Variants in NRG3 observed in about 807,000 individuals in gnomAD.
NRG3 encodes pro-neuregulin-3, membrane-bound isoform.
Under a neutral mutation model 66.9 loss-of-function variants are expected in NRG3, and 31 were observed. The ratio of observed to expected loss-of-function variants is 0.46; its 90% CI spans 0.35 to 0.63. The LOEUF (loss-of-function observed/expected upper bound fraction) is 0.63. NRG3 is among the 20% of genes least tolerant of loss of function. The probability of loss-of-function intolerance (pLI) is 0.00; values close to 1 mark genes in which losing one functional copy is unlikely to be tolerated. For missense variants in NRG3, 910 were observed against 878.9 expected (o/e 1.04, Z -0.45); for synonymous variants, 393 against 359.4 (o/e 1.09, Z -1.06).
chr10:82,899,740 C>A (rs1307104539), intron 4 of NRG3, among the ~76,000 whole-genome samples: 1 of 152,130 alleles, frequency 6.6e-6, no homozygotes, highest in Admixed American at 6.5e-5. Context: ...GGGGAATTGT[C>A]TGCGTATTTC....
At chr10:82,479,832 G>C (rs1156237599) in intron 2 of NRG3, among the ~76,000 whole-genome samples, 1 of 151,908 alleles carries the variant, frequency 6.6e-6, no homozygotes, top group Non-Finnish European at 1.5e-5. Flanking sequence ...GCGGGGCGTG[G>C]TGGTGGGCGC....
chr10:82,953,688 A>G (rs1015134518), intron 5 of NRG3, among the ~76,000 whole-genome samples: 2 of 151,916 alleles, frequency 1.3e-5, no homozygotes, highest in African/African-American at 2.4e-5. Context: ...AAATGCAATC[A>G]TGGCCAGACG....
chr10:82,055,392 G>C (rs1223425890), intron 1 of NRG3, among the ~76,000 whole-genome samples: 1 of 150,836 alleles, frequency 6.6e-6, no homozygotes. Context: ...CAGGAGAATG[G>C]CCTGAACCCA....
chr10:82,750,023 T>C (rs2058799869), intron 3 of NRG3, among the ~76,000 whole-genome samples: 1 of 152,206 alleles, frequency 6.6e-6, no homozygotes, highest in South Asian at 2.1e-4. Flanking sequence ...AACCACTTTC[T>C]GCAAAATTCA....
chr10:82,149,059 TTTG>T (rs2070486267), intron 1 of NRG3, among the ~76,000 whole-genome samples: 1 of 43,524 alleles, frequency 2.3e-5, no homozygotes, highest in Non-Finnish European at 4.6e-5. Context: ...TTTTTTTGTT[TTTG>T]TTTTTGTTTT....
intron 4 of NRG3, among the ~76,000 whole-genome samples, chr10:82,929,177 A>G (rs1847311449): frequency 6.6e-6 from 1 of 152,180 alleles, no homozygotes; most frequent in Admixed American, 6.5e-5. Context: ...AATCCGAATT[A>G]TAATGTCCTC....
Position 82,077,072 on chromosome 10 carries a change from A to G in NRG3, c.823+200909A>G, listed in dbSNP as rs7079391. Among the ~76,000 whole-genome samples, 448 of 152,340 alleles carry G rather than the reference A, an allele frequency of 2.9e-3. 2 individuals are homozygous for G. Among genetic ancestry groups the G allele is most frequent in the African/African-American group, 0.01 (418 of 41,572 alleles). ...TAAAATTTTGGCAAAATGATAGCAA[A>G]TAACACAGCCATTTATAATGGAAAA... On this transcript the variant is annotated intron_variant, in intron 1 of 8. Transcript: ENST00000372141.
At chr10:82,732,415 T>C (rs2057956442) in intron 2 of NRG3, among the ~76,000 whole-genome samples, 1 of 152,180 alleles carries the variant, frequency 6.6e-6, no homozygotes, top group Non-Finnish European at 1.5e-5. Context: ...GGTGGTTAGG[T>C]ATATGGCAAT....
intron 4 of NRG3, among the ~76,000 whole-genome samples, chr10:82,947,984 A>G (rs1849172439): frequency 6.6e-6 from 1 of 152,048 alleles, no homozygotes; most frequent in South Asian, 2.1e-4. Flanking sequence ...TAGTTAAGAA[A>G]TCTTTGCCAA....
intron 2 of NRG3, among the ~76,000 whole-genome samples, chr10:82,566,352 G>A (rs930242610): frequency 2.4e-4 from 36 of 151,810 alleles, no homozygotes; most frequent in Non-Finnish European, 1.0e-4. Flanking sequence ...TAAATTTTCA[G>A]AATCGAAGAA....
intron 1 of NRG3, among the ~76,000 whole-genome samples, chr10:81,977,481 C>T: frequency 6.6e-6 from 1 of 152,132 alleles, no homozygotes; most frequent in Non-Finnish European, 1.5e-5. Flanking sequence ...TCTGTGTTGG[C>T]TGAGTTAATC....
At chr10:82,359,927 A>G (rs558296772) in intron 2 of NRG3, among the ~76,000 whole-genome samples, 3 of 152,348 alleles carry the variant, frequency 2.0e-5, no homozygotes, top group Non-Finnish European at 2.9e-5. Context: ...TCCAAGAGCC[A>G]GGTTTAGTCC....
rs76946117 is a variant in NRG3, at chr10:82,846,161, C to T, written c.1028-19250C>T. Among the ~76,000 whole-genome samples, 610 of 152,172 alleles carry T rather than the reference C, an allele frequency of 4.0e-3. 2 individuals are homozygous for T. The highest frequency in any genetic ancestry group is 0.014 in the African/African-American group (583 of 41,518). On this transcript the variant is annotated intron_variant, in intron 3 of 8. Transcript: ENST00000372141. Reference sequence around the variant, plus strand: ...ACTGAAAATCATGTTTTTAGCTATGCAGCAGATACCACTATACTCTGAATG... The same window carrying T: ...ACTGAAAATCATGTTTTTAGCTATGTAGCAGATACCACTATACTCTGAATG...
chr10:82,927,805 C>T (rs769684591), intron 4 of NRG3, among the ~76,000 whole-genome samples: 13 of 152,158 alleles, frequency 8.5e-5, no homozygotes, highest in Non-Finnish European at 1.2e-4. Flanking sequence ...AATAAACATA[C>T]GTGTGCGTGT....
intron 1 of NRG3, among the ~76,000 whole-genome samples, chr10:82,183,004 C>T (rs868395636): frequency 3.3e-5 from 5 of 152,036 alleles, no homozygotes; most frequent in South Asian, 2.1e-4. Context: ...TGAGAGTTTT[C>T]TTCTACATAA....
In NRG3 at chr10:82,515,781, CCA is replaced by C. The variant is rs540383147; in HGVS notation, c.953+156918_953+156919del. ...CCACCATACCATTTTGAAAGTGGCT[CCA>C]CACAGGGCTTCTTCTGGAAGTTTAT... On this transcript the variant is annotated intron_variant, in intron 2 of 8. Coordinates refer to ENST00000372141, the MANE Select transcript of NRG3 (RefSeq NM_001010848.4). Among the ~76,000 whole-genome samples, 573 of 152,280 alleles carry C rather than the reference CCA, an allele frequency of 3.8e-3. 1 individual carries two copies. The highest frequency in any genetic ancestry group is 0.013 in the African/African-American group (542 of 41,564).
chr10:82,429,424 T>C (rs901867329), intron 2 of NRG3, among the ~76,000 whole-genome samples: 2 of 152,120 alleles, frequency 1.3e-5, no homozygotes, highest in Non-Finnish European at 2.9e-5. Context: ...GTAGTCTTTT[T>C]CTTTTGGTGC....
At chr10:82,913,212 G>C (rs1402203900) in intron 4 of NRG3, among the ~76,000 whole-genome samples, 1 of 151,964 alleles carries the variant, frequency 6.6e-6, no homozygotes, top group African/African-American at 2.4e-5. Context: ...GTGACAGAGC[G>C]AGACTCAATA....
chr10:82,297,698 A>G (rs1213479189), intron 1 of NRG3, among the ~76,000 whole-genome samples: 1 of 152,046 alleles, frequency 6.6e-6, no homozygotes, highest in African/African-American at 2.4e-5. Context: ...ATAGGTTATT[A>G]TAACATATTA....
Sources: gnomAD v4.1 joint callset for allele counts (sites outside exome capture counted in the v4.1 genomes callset) on GRCh38, gnomAD v4.1.1 for gene constraint, MANE v1.5 for transcripts, NCBI Gene and HGNC (gene_info 2026-07-23, HGNC 2026-07-21) for gene names.